Variants in NAV3 observed in about 807,000 individuals in gnomAD.
NAV3 encodes the protein neuron navigator 3, also known as pore membrane and/or filament interacting like protein 1.
A neutral mutation model predicts 244.7 loss-of-function variants in NAV3; 87 were observed. The observed-to-expected ratio is 0.36, with a 90% confidence interval of 0.30 to 0.42. The LOEUF (loss-of-function observed/expected upper bound fraction) is 0.42, where lower values mean the gene tolerates loss of function less well. NAV3 is among the 20% of genes least tolerant of loss of function. The pLI is 1.00. For synonymous variants in NAV3, 1,126 were observed against 1,042.2 expected, an observed-to-expected ratio of 1.08 and a Z score of -1.55; for missense variants, 2,663 against 2,893.3, an observed-to-expected ratio of 0.92 and a Z score of 1.83.
At chr12:77,714,030 G>T (rs2137263481) in intron 2 of NAV3, among the ~76,000 whole-genome samples, 1 of 151,644 alleles carries the variant, frequency 6.6e-6, no homozygotes, top group African/African-American at 2.4e-5. Flanking sequence ...ACATTTTTTT[G>T]CAGATCTATA....
chr12:77,689,596 G>C (rs1874912928), intron 2 of NAV3, among the ~76,000 whole-genome samples: 3 of 151,810 alleles, frequency 2.0e-5, no homozygotes, highest in African/African-American at 7.2e-5. Flanking sequence ...ACTATACTTA[G>C]ATGTTTTTCT....
At chr12:77,931,646 C>A (rs992562006) in intron 1 of NAV3, among the ~76,000 whole-genome samples, 1 of 152,060 alleles carries the variant, frequency 6.6e-6, no homozygotes, top group Admixed American at 6.5e-5. Context: ...GCAGGCGGAT[C>A]ACAAGGTCAG....
At chr12:77,711,741 G>T (rs1437508813) in intron 2 of NAV3, among the ~76,000 whole-genome samples, 2 of 152,132 alleles carry the variant, frequency 1.3e-5, no homozygotes, top group East Asian at 3.9e-4. Context: ...GCTTTTACTG[G>T]TATCCCACTA....
In NAV3 at chr12:78,064,466, T is replaced by TGCCTGCCTGCCTGCCTGC. The variant is rs1566082445; in HGVS notation, c.2636+5351_2636+5352insGCCTGCCTGCCTGCCTGC. ...GCCTGCCTGCCTGCCTGCCTGCCTG[T>TGCCTGCCTGCCTGCCTGC]CTGTCTATATAGAGAGAGGTCTTTG... is the stretch of plus-strand genomic sequence containing the variant. On this transcript the variant is annotated intron_variant, in intron 12 of 39. Coordinates refer to ENST00000397909, the MANE Select transcript of NAV3 (RefSeq NM_001024383.2). Among the ~76,000 whole-genome samples the TGCCTGCCTGCCTGCCTGC allele has an allele frequency of 5.7e-3, 675 of 117,860 alleles. 5 individuals are homozygous for TGCCTGCCTGCCTGCCTGC. Among genetic ancestry groups the TGCCTGCCTGCCTGCCTGC allele is most frequent in the African/African-American group, 0.02 (632 of 31,286 alleles). 77.3% of individuals were successfully genotyped at this position (117,860 alleles called of 152,430 possible). A position where few individuals can be genotyped will look rare whatever the true frequency, so the allele number is the denominator to read the frequency against.
intron 2 of NAV3, among the ~76,000 whole-genome samples, chr12:77,634,126 A>ACT (rs1555188464): frequency 4.0e-5 from 6 of 149,454 alleles, no homozygotes; most frequent in African/African-American, 9.8e-5. Context: ...CAAATCTCCC[A>ACT]TTTTTTTTTT....
At chr12:77,999,129 G>A (rs933309718) in intron 7 of NAV3, among the ~76,000 whole-genome samples, 14 of 152,184 alleles carry the variant, frequency 9.2e-5, no homozygotes, top group African/African-American at 3.4e-4. Flanking sequence ...CATTTAAAGA[G>A]GTGCTGATTT....
rs1876354303 is a variant in NAV3, at chr12:78,017,105, G to C, written c.1908-4642G>C. On this transcript the variant is annotated intron_variant, in intron 8 of 39. Coordinates refer to ENST00000397909, the MANE Select transcript of NAV3 (RefSeq NM_001024383.2). Reference sequence around the variant, plus strand: ...AGGGCAACTTATTTGACCTCTAGATGTCTTAATTTCTTTATCTGCAGCACC... The same window carrying C: ...AGGGCAACTTATTTGACCTCTAGATCTCTTAATTTCTTTATCTGCAGCACC... Among the ~76,000 whole-genome samples the C allele has an allele frequency of 5.9e-5, 9 of 152,052 alleles. No homozygotes were observed. In the South Asian group the frequency reaches 1.9e-3, roughly 31 times the overall value.
At chr12:77,872,137 G>GT (rs922143411) in intron 1 of NAV3, among the ~76,000 whole-genome samples, 8 of 151,552 alleles carry the variant, frequency 5.3e-5, no homozygotes, top group African/African-American at 1.7e-4. Context: ...ATGGGGTTGT[G>GT]TTTTTTTTCT....
chr12:78,041,530 A>G (rs1880858073), intron 9 of NAV3, among the ~76,000 whole-genome samples: 2 of 152,180 alleles, frequency 1.3e-5, no homozygotes, highest in African/African-American at 4.8e-5. Context: ...ACAGGGTGAA[A>G]GTTTAAGGGA....
chr12:77,974,448 T>TTTA, intron 5 of NAV3, among the ~76,000 whole-genome samples: 1 of 149,168 alleles, frequency 6.7e-6, no homozygotes, highest in Admixed American at 6.7e-5. Context: ...CGGCCAGCTG[T>TTTA]TTATTATTAT....
intron 1 of NAV3, among the ~76,000 whole-genome samples, chr12:77,935,036 T>C (rs1176356161): frequency 6.6e-6 from 1 of 152,188 alleles, no homozygotes; most frequent in Non-Finnish European, 1.5e-5. Flanking sequence ...TAAGTTACTT[T>C]ATCCCATTGA....
At position 78,207,533 on chromosome 12, in the gene NAV3, A is replaced by G. The variant is rs571526982; in HGVS notation, c.7038+2395A>G. Among the ~76,000 whole-genome samples, 3 of 152,314 alleles carry G rather than the reference A, an allele frequency of 2.0e-5. No homozygotes were observed. In the East Asian group the frequency reaches 5.8e-4, roughly 29 times the overall value. ...AGTAAAATTGTGAGTTCATTGAGGA[A>G]GCAGTTAGAATAAAGCTTTACAGAG... On this transcript the variant is annotated intron_variant, in intron 39 of 39. Transcript: ENST00000397909.
intron 2 of NAV3, among the ~76,000 whole-genome samples, chr12:77,573,756 G>C (rs1295295622): frequency 6.6e-6 from 1 of 152,230 alleles, no homozygotes; most frequent in African/African-American, 2.4e-5. Context: ...GAGGTAATAG[G>C]TAAGTGATTA....
At chr12:77,630,563 C>A (rs1871847481) in intron 2 of NAV3, among the ~76,000 whole-genome samples, 1 of 152,134 alleles carries the variant, frequency 6.6e-6, no homozygotes, top group African/African-American at 2.4e-5. Context: ...TCTCCTCCTC[C>A]CCAGTACCTT....
intron 7 of NAV3, among the ~76,000 whole-genome samples, chr12:78,005,515 C>T (rs1874047570): frequency 6.6e-6 from 1 of 152,202 alleles, no homozygotes; most frequent in African/African-American, 2.4e-5. Flanking sequence ...AATGCAGAAC[C>T]TCAGGGCCCA....
chr12:78,101,407 A>G (rs1025943685), intron 12 of NAV3, among the ~76,000 whole-genome samples: 2 of 152,214 alleles, frequency 1.3e-5, no homozygotes, highest in East Asian at 1.9e-4. Context: ...ACAGTAAATG[A>G]GCAGTGGCAG....
At chr12:77,815,415 A>G (rs1872489971) in intron 2 of NAV3, among the ~76,000 whole-genome samples, 1 of 152,156 alleles carries the variant, frequency 6.6e-6, no homozygotes, top group African/African-American at 2.4e-5. Context: ...GTTTTCTCTC[A>G]TTACTAGAAT....
intron 26 of NAV3, among the ~76,000 whole-genome samples, 184 bp downstream of exon 26, chr12:78,176,643 G>GAGCT (rs1462706084): frequency 2.0e-5 from 3 of 152,058 alleles, no homozygotes; most frequent in Non-Finnish European, 4.4e-5. Flanking sequence ...TTTCTGAATA[G>GAGCT]AGCTGTAGGG....
At chr12:78,187,844 A>G (rs928571250) in intron 31 of NAV3, among the ~76,000 whole-genome samples, 4 of 151,900 alleles carry the variant, frequency 2.6e-5, no homozygotes, top group African/African-American at 7.2e-5. Context: ...TTCATATAAT[A>G]TGGTTCTGTT....
Sources: allele counts gnomAD v4.1 joint callset (sites outside exome capture counted in the v4.1 genomes callset), GRCh38; gene constraint gnomAD v4.1.1; transcripts MANE v1.5; gene names NCBI Gene and HGNC (gene_info 2026-07-23, HGNC 2026-07-21).